Variants in SCN11A observed in about 807,000 individuals in gnomAD.
The protein encoded by SCN11A is sodium channel protein type 11 subunit alpha.
A neutral mutation model predicts 162.2 loss-of-function variants in SCN11A; 122 were observed. That is an observed-to-expected ratio of 0.75 (90% CI 0.65 to 0.87). The LOEUF (loss-of-function observed/expected upper bound fraction) is 0.87. Among genes scored for constraint, SCN11A ranks in the 40% least tolerant of loss-of-function variants. The pLI is 0.00. For missense variants in SCN11A, 2,015 were observed against 2,181.6 expected (o/e 0.92, Z 1.52); for synonymous variants, 758 against 751.5 (o/e 1.01, Z -0.14).
Position 38,916,317 on chromosome 3 carries a change from A to G in SCN11A, c.959+3618T>C, listed in dbSNP as rs137997771. Among the ~76,000 whole-genome samples, 3 of 152,254 alleles carry G rather than the reference A, an allele frequency of 2.0e-5. No homozygotes were observed. The East Asian group carries it at 5.8e-4, about 29-fold the overall frequency. On this transcript the variant is annotated intron_variant, in intron 11 of 29. Transcript: ENST00000302328. Reference sequence around the variant, plus strand: ...TAGCCCATTGACATTCAAGGCTAATATTGATATGTCCTAGTCTTTCTGTCT... The same window carrying G: ...TAGCCCATTGACATTCAAGGCTAATGTTGATATGTCCTAGTCTTTCTGTCT...
At chr3:38,917,996 C>A (rs1367657872) in intron 11 of SCN11A, among the ~76,000 whole-genome samples, 1 of 152,146 alleles carries the variant, frequency 6.6e-6, no homozygotes, top group Non-Finnish European at 1.5e-5. Flanking sequence ...TTGTCATATA[C>A]ACATCACACT....
chr3:38,887,264 C>T (rs1446999866), intron 19 of SCN11A, among the ~76,000 whole-genome samples: 1 of 151,928 alleles, frequency 6.6e-6, no homozygotes, highest in Non-Finnish European at 1.5e-5. Flanking sequence ...TTGACTGCAA[C>T]TAATTTATAA....
intron 7 of SCN11A, among the ~76,000 whole-genome samples, chr3:38,939,159 C>T (rs1340473124): frequency 3.3e-5 from 5 of 151,612 alleles, no homozygotes; most frequent in East Asian, 2.0e-4. Flanking sequence ...GGCAAGAAAG[C>T]GAGATTCTGT....
chr3:38,895,365 T>C (rs1314128054), intron 18 of SCN11A, among the ~76,000 whole-genome samples: 1 of 152,252 alleles, frequency 6.6e-6, no homozygotes, highest in Non-Finnish European at 1.5e-5. Flanking sequence ...TCAAGCCCAA[T>C]GTACAGTCCT....
rs1460695212 is a variant in SCN11A, at chr3:38,900,068, G to A, written c.1848C>T (p.Phe616=). The part of the protein sequence containing the change: ...EKMLNIGNLV[F]TSIFIAEMCL... Reference sequence around the variant, plus strand: ...ACATTTCTGCTATAAAAATGCTAGTGAAAACCTAGAGTGGGACAAAGAAGA... The same window carrying A: ...ACATTTCTGCTATAAAAATGCTAGTAAAAACCTAGAGTGGGACAAAGAAGA... The change falls in exon 17 of 30, where the codon TTC becomes TTT. Residue 616 remains phenylalanine, a synonymous_variant. Transcript: ENST00000302328. 1.2e-6 allele frequency: 2 copies of A among 1,613,686 alleles called. No individual in the cohort carries two copies. The highest frequency in any genetic ancestry group is 1.1e-5 in the South Asian group (1 of 91,038).
intron 2 of SCN11A, among the ~76,000 whole-genome samples, chr3:38,992,107 C>A (rs1156972448): frequency 6.6e-6 from 1 of 152,212 alleles, no homozygotes; most frequent in African/African-American, 2.4e-5. Context: ...CCATGCCTGG[C>A]CAGTCTGTTC....
At chr3:38,880,634 C>T (rs1216649685) in intron 22 of SCN11A, among the ~76,000 whole-genome samples, 2 of 152,276 alleles carry the variant, frequency 1.3e-5, no homozygotes, top group East Asian at 3.9e-4. Context: ...ACAGCCTTAT[C>T]CATTTACCTT....
intron 7 of SCN11A, among the ~76,000 whole-genome samples, chr3:38,928,673 A>T (rs899035591): frequency 2.0e-5 from 3 of 152,254 alleles, no homozygotes; most frequent in African/African-American, 7.2e-5. Context: ...GCCAACGAGC[A>T]TATGAAAAGA....
chr3:39,024,585 C>T (rs2031538582), intron 2 of SCN11A, among the ~76,000 whole-genome samples: 1 of 152,216 alleles, frequency 6.6e-6, no homozygotes, highest in Admixed American at 6.5e-5. Context: ...CCCCTTTACC[C>T]CAAAGCCAGT....
intron 10 of SCN11A, among the ~76,000 whole-genome samples, chr3:38,920,310 G>A (rs1406826332): frequency 6.6e-6 from 1 of 152,178 alleles, no homozygotes; most frequent in Non-Finnish European, 1.5e-5. Flanking sequence ...CATCCCATGA[G>A]AGACATCAAG....
intron 2 of SCN11A, among the ~76,000 whole-genome samples, chr3:39,026,555 T>C (rs2031595516): frequency 6.6e-6 from 1 of 152,132 alleles, no homozygotes; most frequent in Non-Finnish European, 1.5e-5. Context: ...AGACAGAAGT[T>C]AAAGCAGTGA....
intron 22 of SCN11A, among the ~76,000 whole-genome samples, chr3:38,881,075 C>T (rs925050354): frequency 6.6e-6 from 1 of 152,192 alleles, no homozygotes; most frequent in Non-Finnish European, 1.5e-5. Context: ...GTCTCACTTC[C>T]AATTGCCAAA....
rs778058568 is a variant in SCN11A, at chr3:38,896,998, G to A, written c.2250C>T (p.His750=). 3.1e-6 allele frequency: 5 copies of A among 1,614,010 alleles called. No individual in the cohort carries two copies. The African/African-American group carries it at 5.3e-5, about 17-fold the overall frequency. The stretch of plus-strand genomic sequence containing the variant: ...GGAAGGAGTGCCAGAAATCCCCCAT[G>A]TGCCAGTGCCGTAAACATGAGACTG... ...GPTVSCLRHW[H]MGDFWHSFLV... Residue 750 remains histidine, a synonymous_variant, in exon 18 of 30, where the codon CAC becomes CAT. Coordinates refer to ENST00000302328, the MANE Select transcript of SCN11A (RefSeq NM_001349253.2).
intron 10 of SCN11A, among the ~76,000 whole-genome samples, chr3:38,920,684 C>CAAAAAA (rs36096755): frequency 8.9e-5 from 5 of 55,994 alleles, no homozygotes; most frequent in African/African-American, 1.2e-4. Context: ...GACTCCATCT[C>CAAAAAA]AAAAAAAAAA....
At chr3:38,956,692 A>T (rs932942858) in intron 3 of SCN11A, among the ~76,000 whole-genome samples, 1 of 152,216 alleles carries the variant, frequency 6.6e-6, no homozygotes, top group Non-Finnish European at 1.5e-5. Flanking sequence ...GTTATCTATT[A>T]GTTTTTAATT....
intron 21 of SCN11A, among the ~76,000 whole-genome samples, chr3:38,884,426 G>A (rs924373588): frequency 6.6e-6 from 1 of 152,204 alleles, no homozygotes; most frequent in Non-Finnish European, 1.5e-5. Flanking sequence ...CCTGTTATTT[G>A]TGTTGCTTCT....
intron 2 of SCN11A, among the ~76,000 whole-genome samples, chr3:38,979,670 T>C (rs115077731): frequency 6.6e-6 from 1 of 152,340 alleles, no homozygotes; most frequent in Non-Finnish European, 1.5e-5. Flanking sequence ...CAAGTCTGCA[T>C]AGTGTTTCTC....
At position 38,965,888 on chromosome 3, in the gene SCN11A, G is replaced by C. The variant is rs1044913915; in HGVS notation, c.-279-5465C>G. Among the ~76,000 whole-genome samples the C allele has an allele frequency of 3.3e-5, 5 of 152,190 alleles. No homozygotes were observed. The East Asian group carries it at 9.7e-4, about 29-fold the overall frequency. On this transcript the variant is annotated intron_variant, in intron 2 of 29. Coordinates refer to ENST00000302328, the MANE Select transcript of SCN11A (RefSeq NM_001349253.2). ...CCAGCACTTCAGGAGGCTAAGGCAG[G>C]AGACTCATGGGAGCCCTGGAGGTGA...
intron 2 of SCN11A, among the ~76,000 whole-genome samples, chr3:39,027,136 C>A (rs1178463000): frequency 2.0e-5 from 3 of 152,120 alleles, no homozygotes; most frequent in Non-Finnish European, 4.4e-5. Context: ...CAGCAGAAGC[C>A]CTGGCCCTAG....
Sources: gnomAD v4.1 joint callset for allele counts (sites outside exome capture counted in the v4.1 genomes callset) on GRCh38, gnomAD v4.1.1 for gene constraint, MANE v1.5 for transcripts, NCBI Gene and HGNC (gene_info 2026-07-23, HGNC 2026-07-21) for gene names.